Variants in MTMR8 observed in about 807,000 individuals in gnomAD.
MTMR8 encodes phosphatidylinositol-3,5-bisphosphate 3-phosphatase MTMR8.
MTMR8 carries 65 observed loss-of-function variants against 39.3 expected under a neutral mutation model. The observed-to-expected ratio is 1.65, with a 90% CI of 1.35 to 2.03. The LOEUF is 2.03. Ranked by LOEUF, MTMR8 falls within the 30% of genes most tolerant of loss-of-function variation. MTMR8 has a pLI of 0.00. For synonymous variants in MTMR8, 245 were observed against 185.2 expected (o/e 1.32, Z -2.62); for missense variants, 777 against 538.9 (o/e 1.44, Z -4.37).
chrX:64,348,460 C>G (rs1383251978), intron 6 of MTMR8, among the ~76,000 whole-genome samples, 200 bp downstream of exon 6: 2 of 111,572 alleles, frequency 1.8e-5, no homozygotes, highest in African/African-American at 6.5e-5. Context: ...GCTTGAAATA[C>G]CCTCTCATAA....
chrX:64,342,971 G>A (rs1226122483), intron 8 of MTMR8, among the ~76,000 whole-genome samples: 6 of 111,250 alleles, frequency 5.4e-5, no homozygotes, highest in Non-Finnish European at 1.1e-4. Flanking sequence ...CTTAACAAAG[G>A]CTACAGAGCC....
chrX:64,337,714 G>A (rs1486195134), intron 8 of MTMR8, among the ~76,000 whole-genome samples: 1 of 111,712 alleles, frequency 9.0e-6, no homozygotes. Flanking sequence ...GTGAACTGGA[G>A]GAAGAATTCA....
intron 1 of MTMR8, among the ~76,000 whole-genome samples, chrX:64,387,678 G>T (rs192318678): frequency 1.9e-5 from 2 of 107,106 alleles, no homozygotes; most frequent in East Asian, 5.9e-4. Context: ...GTGGGGTTGG[G>T]GGTGAGGGGA....
At chrX:64,381,875 T>G (rs754291371) in intron 1 of MTMR8, among the ~76,000 whole-genome samples, 7 of 112,024 alleles carry the variant, frequency 6.2e-5, no homozygotes, top group African/African-American at 1.9e-4. Context: ...TTTCCCCATT[T>G]CTTGTTTTTG....
intron 12 of MTMR8, among the ~76,000 whole-genome samples, chrX:64,274,760 G>A (rs866913153): frequency 2.4e-4 from 27 of 111,943 alleles, no homozygotes; most frequent in African/African-American, 6.5e-4. Flanking sequence ...TTGTGACAAC[G>A]TAGAAGGAAC....
chrX:64,301,958 G>C (rs778160883), intron 12 of MTMR8, among the ~76,000 whole-genome samples: 1 of 112,166 alleles, frequency 8.9e-6, no homozygotes, highest in African/African-American at 3.2e-5. Flanking sequence ...GAGACCCACT[G>C]CTCTCTTCAA....
intron 6 of MTMR8, among the ~76,000 whole-genome samples, chrX:64,347,840 G>T (rs1045602608): frequency 8.9e-6 from 1 of 112,272 alleles, no homozygotes; most frequent in African/African-American, 3.2e-5. Flanking sequence ...AAACTTTGAA[G>T]GTTAAGGAAT....
chrX:64,316,926 C>A (rs1187080812), intron 12 of MTMR8, among the ~76,000 whole-genome samples: 1 of 108,495 alleles, frequency 9.2e-6, no homozygotes, highest in African/African-American at 3.4e-5. Context: ...GCCTGGCCAA[C>A]ATAGCAAAAT....
intron 12 of MTMR8, among the ~76,000 whole-genome samples, chrX:64,287,410 A>G (rs1921224550): frequency 9.0e-6 from 1 of 111,659 alleles, no homozygotes; most frequent in Non-Finnish European, 1.9e-5. Context: ...TATAGATTCA[A>G]TGCCATCCCC....
intron 12 of MTMR8, among the ~76,000 whole-genome samples, chrX:64,309,134 A>G (rs1182017320): frequency 8.9e-6 from 1 of 112,212 alleles, no homozygotes; most frequent in Non-Finnish European, 1.9e-5. Context: ...TCAGCCTGTC[A>G]GTATTCACAA....
At chrX:64,358,754 G>A (rs980147850) in intron 2 of MTMR8, among the ~76,000 whole-genome samples, 2 of 110,033 alleles carry the variant, frequency 1.8e-5, no homozygotes, top group Non-Finnish European at 3.8e-5. Flanking sequence ...TTTAGGATGG[G>A]TAAGGCATAA....
chrX:64,361,461 A>C lies in MTMR8; in HGVS notation c.25-1934T>G, dbSNP rs1227128657. Reference sequence around the variant, plus strand: ...AAATGCTAAATAATGTTAATGAATCAACAGTATATTTTAAAAAATACATTT... The same window carrying C: ...AAATGCTAAATAATGTTAATGAATCCACAGTATATTTTAAAAAATACATTT... On this transcript the variant is annotated intron_variant, in intron 1 of 13. Transcript: ENST00000374852. Among the ~76,000 whole-genome samples, 3 of 111,881 alleles carry C rather than the reference A, an allele frequency of 2.7e-5. No individual in the cohort carries two copies. The East Asian group carries it at 8.4e-4, about 31-fold the overall frequency.
chrX:64,354,538 C>T (rs1413712357), intron 4 of MTMR8, among the ~76,000 whole-genome samples: 1 of 111,739 alleles, frequency 8.9e-6, no homozygotes, highest in Non-Finnish European at 1.9e-5. Flanking sequence ...CTTCCTTAGG[C>T]TGATTTTCAT....
intron 12 of MTMR8, among the ~76,000 whole-genome samples, chrX:64,317,689 T>C (rs1922510070): frequency 8.9e-6 from 1 of 112,199 alleles, no homozygotes; most frequent in African/African-American, 3.2e-5. Flanking sequence ...TGATGGCTGA[T>C]TTTCAACTAA....
At chrX:64,393,663 AC>A (rs1187157881) in intron 1 of MTMR8, among the ~76,000 whole-genome samples, 1 of 111,712 alleles carries the variant, frequency 9.0e-6, no homozygotes, top group Non-Finnish European at 1.9e-5. Flanking sequence ...ATGTCAGAGG[AC>A]CCGTACAAAT....
chrX:64,317,230 G>A (rs1025779168), intron 12 of MTMR8, among the ~76,000 whole-genome samples: 46 of 111,042 alleles, frequency 4.1e-4, no homozygotes, highest in African/African-American at 1.4e-3. Flanking sequence ...GAATCTATAC[G>A]TATAAGCCTT....
chrX:64,270,008 C>T (rs1182468352), intron 13 of MTMR8, among the ~76,000 whole-genome samples: 3 of 110,647 alleles, frequency 2.7e-5, no homozygotes, highest in Admixed American at 9.6e-5. Flanking sequence ...AATAGGGCAC[C>T]TTCCCTGGCC....
At chrX:64,307,546 T>C (rs1239209985) in intron 12 of MTMR8, among the ~76,000 whole-genome samples, 4 of 111,494 alleles carry the variant, frequency 3.6e-5, no homozygotes, top group Admixed American at 2.9e-4. Context: ...TTCTCTTCTA[T>C]TGAGTTTCGT....
intron 12 of MTMR8, among the ~76,000 whole-genome samples, chrX:64,274,549 T>C (rs1931831342): frequency 8.9e-6 from 1 of 111,737 alleles, no homozygotes; most frequent in Non-Finnish European, 1.9e-5. Flanking sequence ...GATCCAGCAA[T>C]CCCACTTCTG....
Sources: allele counts gnomAD v4.1 joint callset (sites outside exome capture counted in the v4.1 genomes callset), GRCh38; gene constraint gnomAD v4.1.1; transcripts MANE v1.5; gene names NCBI Gene and HGNC (gene_info 2026-07-23, HGNC 2026-07-21).